Variants in NANS observed in about 807,000 individuals in gnomAD.
NANS encodes the protein N-acetylneuraminate-9-phosphate synthase.
Under a neutral mutation model 33.3 loss-of-function variants are expected in NANS, and 29 were observed. The observed-to-expected ratio is 0.87, with a 90% CI of 0.65 to 1.19. NANS has a LOEUF of 1.19. NANS is among the 50% of genes most tolerant of loss of function. The pLI is 0.00. For missense variants in NANS, 394 were observed against 461.1 expected (o/e 0.85, Z 1.33); for synonymous variants, 163 against 177.2 (o/e 0.92, Z 0.64).
chr9:98,056,734 A>G lies in NANS; in HGVS notation c.-75A>G. 6.5e-7 allele frequency: 1 copy of G among 1,546,556 alleles called. No homozygotes were observed. The highest frequency in any genetic ancestry group is 2.4e-5 in the East Asian group (1 of 41,140). On this transcript the variant is annotated 5_prime_UTR_variant, in exon 1 of 6. Coordinates refer to ENST00000210444, the MANE Select transcript of NANS (RefSeq NM_018946.4). Reference sequence around the variant, plus strand: ...GTGTGGGTCTCGCAGCGTTGCTCACAGAACAGAGTAGAGGCGGCGGCGGCG... The same window carrying G: ...GTGTGGGTCTCGCAGCGTTGCTCACGGAACAGAGTAGAGGCGGCGGCGGCG...
At chr9:98,060,520 A>T (rs939794184) in intron 1 of NANS, among the ~76,000 whole-genome samples, 2 of 152,128 alleles carry the variant, frequency 1.3e-5, no homozygotes, top group African/African-American at 4.8e-5. Flanking sequence ...AATAACAAAA[A>T]TTAGCCGGGT....
At position 98,082,860 on chromosome 9, in the gene NANS, G is replaced by A. The variant is rs757082751; in HGVS notation, c.885G>A (p.Val295=). 14 of 1,613,988 alleles carry A rather than the reference G, an allele frequency of 8.7e-6. No homozygotes were observed. The South Asian group carries it at 1.4e-4, about 16-fold the overall frequency. Residue 295 remains valine (V), a synonymous_variant, in exon 6 of 6, where the codon GTG becomes GTA. Coordinates refer to ENST00000210444, the MANE Select transcript of NANS (RefSeq NM_018946.4). ...TTTGTCCACAGCTGGGCAAGTCTGT[G>A]GTGGCCAAAGTGAAAATTCCGGAAG... ...MACNEKLGKS[V]VAKVKIPEGT... is the part of the protein sequence containing the mutation.
intron 2 of NANS, among the ~76,000 whole-genome samples, chr9:98,072,715 T>C (rs765330174): frequency 1.3e-5 from 2 of 152,148 alleles, no homozygotes; most frequent in Non-Finnish European, 2.9e-5. Context: ...GGCAGGAAAG[T>C]GCATTCTTTA....
chr9:98,078,183 GATTAC>G lies in NANS; in HGVS notation c.449-9_449-5del, dbSNP rs747138950. 17 of 1,614,182 alleles carry G rather than the reference GATTAC, an allele frequency of 1.1e-5. No individual in the cohort carries two copies. The highest frequency in any genetic ancestry group is 1.7e-5 in the Admixed American group (1 of 60,030). ...GAAAGTGCTGATGGTGTTGGTGCTG[GATTAC>G]TCAGGTCGCCCAATGGTGATCTCCA... On this transcript the variant is annotated splice_polypyrimidine_tract_variant and splice_region_variant and intron_variant, in intron 3 of 5. Coordinates refer to ENST00000210444, the MANE Select transcript of NANS (RefSeq NM_018946.4).
At chr9:98,070,242 C>G in intron 2 of NANS, among the ~76,000 whole-genome samples, 1 of 152,144 alleles carries the variant, frequency 6.6e-6, no homozygotes, top group Non-Finnish European at 1.5e-5. Context: ...TTCAGCCTCC[C>G]AAGTAGCTGG....
chr9:98,065,396 G>A (rs553443167), intron 2 of NANS, among the ~76,000 whole-genome samples: 19 of 140,828 alleles, frequency 1.3e-4, no homozygotes, highest in Non-Finnish European at 2.7e-4. Flanking sequence ...GGCTCACTGC[G>A]ACTTCCGCCT....
At chr9:98,061,551 A>C (rs142026585) in intron 2 of NANS, among the ~76,000 whole-genome samples, 1 of 149,598 alleles carries the variant, frequency 6.7e-6, no homozygotes, top group Non-Finnish European at 1.5e-5. Flanking sequence ...GGAGGCTGAG[A>C]CAGGCAGGTC....
intron 2 of NANS, among the ~76,000 whole-genome samples, chr9:98,074,351 A>G (rs1829485475): frequency 6.6e-6 from 1 of 152,130 alleles, no homozygotes; most frequent in Non-Finnish European, 1.5e-5. Context: ...GCCGGGCTGC[A>G]TGGAACCCCA....
rs114281824 is a variant in NANS at position 98,073,104 on chromosome 9, C to G, written c.349-3814C>G. Among the ~76,000 whole-genome samples, 739 of 152,098 alleles carry G rather than the reference C, an allele frequency of 4.9e-3. 5 individuals are homozygous for G. Among genetic ancestry groups the G allele is most frequent in the African/African-American group, 0.017 (702 of 41,476 alleles). ...AAAGGTGACTCCTGAGGGACATGCT[C>G]TCCTCACACACAGTGGCCATCCCAG... On this transcript the variant is annotated intron_variant, in intron 2 of 5. Coordinates refer to ENST00000210444, the MANE Select transcript of NANS (RefSeq NM_018946.4).
intron 2 of NANS, among the ~76,000 whole-genome samples, chr9:98,065,906 C>T (rs556500282): frequency 3.2e-4 from 48 of 152,172 alleles, no homozygotes; most frequent in African/African-American, 1.1e-3. Context: ...GTGCCTTTTG[C>T]CCCCCACCAT....
Position 98,060,971 on chromosome 9 carries a change from T to C in NANS, c.322T>C (p.Phe108Leu), listed in dbSNP as rs1174002016. 6.2e-7 allele frequency: 1 copy of C among 1,613,966 alleles called. No individual in the cohort carries two copies. The highest frequency in any genetic ancestry group is 8.5e-7 in the Non-Finnish European group (1 of 1,180,040). ...LQRYAEEVGI[F>L]FTASGMDEMA... ...GAGGTACGCCGAGGAGGTTGGGATC[T>C]TCTTCACTGCCTCTGGCATGGATGA... is the stretch of plus-strand genomic sequence containing the variant. The change falls in exon 2 of 6, where the codon TTC becomes CTC. Residue 108 changes from phenylalanine to leucine, a missense_variant. By Grantham distance (22) the Phe-to-Leu change is conservative. Transcript: ENST00000210444.
intron 3 of NANS, 173 bp from the exon 4 acceptor site, chr9:98,078,020 C>G: frequency 2.3e-6 from 2 of 885,908 alleles, no homozygotes; most frequent in South Asian, 3.8e-5. Flanking sequence ...TTCCTGTGGC[C>G]GAGGGCAGGA....
Position 98,076,915 on chromosome 9 carries a change from T to G in NANS, c.349-3T>G. On this transcript the variant is annotated splice_polypyrimidine_tract_variant and splice_region_variant and intron_variant, in intron 2 of 5. Coordinates refer to ENST00000210444, the MANE Select transcript of NANS (RefSeq NM_018946.4). ...AAAGGAGCTCCCTCTTTGATTTTTGTAGATGGCAGTTGAATTCCTGCATGA... is the reference window on the plus strand; with the variant it reads ...AAAGGAGCTCCCTCTTTGATTTTTGGAGATGGCAGTTGAATTCCTGCATGA... The G allele has an allele frequency of 6.2e-7, 1 of 1,608,348 alleles. No individual in the cohort carries two copies. The highest frequency in any genetic ancestry group is 8.5e-7 in the Non-Finnish European group (1 of 1,177,244).
intron 4 of NANS, among the ~76,000 whole-genome samples, chr9:98,080,599 T>C (rs373738343): frequency 4.6e-5 from 7 of 152,292 alleles, no homozygotes; most frequent in African/African-American, 1.7e-4. Flanking sequence ...TTTAGAGCAT[T>C]TACAATGTGC....
At chr9:98,061,266 C>T (rs758121823) in intron 2 of NANS, 63 of 405,578 alleles carry the variant, frequency 1.6e-4, no homozygotes, top group Middle Eastern at 7.2e-4. Flanking sequence ...CACCTGAGGT[C>T]AGGAGTTCGA....
intron 2 of NANS, among the ~76,000 whole-genome samples, chr9:98,073,172 C>T (rs938497954): frequency 7.3e-5 from 11 of 151,642 alleles, no homozygotes; most frequent in Non-Finnish European, 1.2e-4. Context: ...GTCCTAGGCA[C>T]GGTGCCCTCT....
At chr9:98,071,393 T>C (rs376882335) in intron 2 of NANS, among the ~76,000 whole-genome samples, 297 of 152,354 alleles carry the variant, frequency 1.9e-3, no homozygotes, top group African/African-American at 6.9e-3. Context: ...CTCTGCCTGT[T>C]ATTTTTGGTA....
At chr9:98,061,509 C>T (rs1019324800) in intron 2 of NANS, among the ~76,000 whole-genome samples, 6 of 143,546 alleles carry the variant, frequency 4.2e-5, no homozygotes, top group East Asian at 4.1e-4. Context: ...AGGCCAGGCG[C>T]GGTGTCTCAC....
intron 3 of NANS, among the ~76,000 whole-genome samples, chr9:98,077,495 C>T (rs561735790): frequency 6.6e-6 from 1 of 151,856 alleles, no homozygotes; most frequent in South Asian, 2.1e-4. Flanking sequence ...CAGGTGTGAG[C>T]CACTGCACCT....
Sources: allele counts gnomAD v4.1 joint callset (sites outside exome capture counted in the v4.1 genomes callset), GRCh38; gene constraint gnomAD v4.1.1; transcripts MANE v1.5; gene names NCBI Gene and HGNC (gene_info 2026-07-23, HGNC 2026-07-21).